MDN1: variants seen among roughly 807,000 people sequenced by gnomAD.
MDN1 encodes the protein midasin AAA ATPase 1.
A neutral mutation model predicts 669.2 loss-of-function variants in MDN1; 266 were observed. The observed-to-expected ratio is 0.40, with a 90% CI of 0.36 to 0.44. The LOEUF is 0.44. Among genes scored for constraint, MDN1 ranks in the 20% least tolerant of loss-of-function variants. The pLI, the probability that MDN1 is intolerant of heterozygous loss-of-function variation, is 1.00. For missense variants in MDN1, 5,940 were observed against 6,754.0 expected, an observed-to-expected ratio of 0.88 and a Z score of 4.22; for synonymous variants, 2,385 against 2,457.1, an observed-to-expected ratio of 0.97 and a Z score of 0.87.
intron 44 of MDN1, among the ~76,000 whole-genome samples, chr6:89,716,173 T>C (rs1814356987): frequency 6.6e-6 from 1 of 152,232 alleles, no homozygotes; most frequent in African/African-American, 2.4e-5. Context: ...TAACTTGTAG[T>C]AGCTTCTATG....
At position 89,698,924 on chromosome 6, in the gene MDN1, G is replaced by C. The variant is rs1812955398; in HGVS notation, c.9109C>G (p.Pro3037Ala). Residue 3037 changes from proline to alanine, a missense_variant, in exon 59 of 102, where the codon CCT becomes GCT. Physicochemically the swap from Pro to Ala is conservative, Grantham distance 27. Around this residue, in one of 5 missense-constraint regions of MDN1, gnomAD observed 2,292 missense variants for 2,638.3 expected, o/e 0.87. Coordinates refer to ENST00000369393, the MANE Select transcript of MDN1 (RefSeq NM_014611.3). ...TNPEYWLMWN[P>A]LPGMQQREAP... The stretch of plus-strand genomic sequence containing the variant: ...TCCCTCTGCTGCATACCAGGCAAAG[G>C]GTTCCACATTAGCCAGTACTCTGGA... The C allele has an allele frequency of 6.2e-7, 1 of 1,613,928 alleles. No individual in the cohort carries two copies. The highest frequency in any genetic ancestry group is 1.1e-5 in the South Asian group (1 of 91,086).
chr6:89,725,930 T>TACACATAC (rs983133902), intron 37 of MDN1, among the ~76,000 whole-genome samples: 16 of 147,478 alleles, frequency 1.1e-4, no homozygotes, highest in Non-Finnish European at 2.1e-4. Flanking sequence ...TGGTATTTTA[T>TACACATAC]ACACACACAC....
intron 9 of MDN1, among the ~76,000 whole-genome samples, chr6:89,784,388 T>C (rs1818845072): frequency 6.6e-6 from 1 of 152,098 alleles, no homozygotes; most frequent in Non-Finnish European, 1.5e-5. Context: ...TATACCTACA[T>C]CAATAAAGGG....
intron 50 of MDN1, among the ~76,000 whole-genome samples, chr6:89,709,009 G>A (rs1246284451): frequency 2.7e-5 from 4 of 148,840 alleles, no homozygotes; most frequent in African/African-American, 4.9e-5. Context: ...GTACATGGCA[G>A]AAAATGAATA....
At position 89,778,982 on chromosome 6, in the gene MDN1, A is replaced by T. The variant is rs544351614; in HGVS notation, c.1725+1230T>A. Among the ~76,000 whole-genome samples, 45 of 118,788 alleles carry T rather than the reference A, an allele frequency of 3.8e-4. 1 individual carries two copies. In the East Asian group the frequency reaches 9.1e-3, roughly 24 times the overall value. 77.9% of individuals were successfully genotyped at this position (118,788 alleles called of 152,430 possible). A position where few individuals can be genotyped will look rare whatever the true frequency, so the allele number is the denominator to read the frequency against. On this transcript the variant is annotated intron_variant, in intron 11 of 101. Transcript: ENST00000369393. ...CAGTATGTACTAAAATAAGCCAAAG[A>T]AAAAAAAAATTTTACAGGTGTAGAA...
intron 47 of MDN1, 57 bp downstream of exon 47, chr6:89,713,091 G>A (rs947453556): frequency 9.7e-6 from 15 of 1,552,616 alleles, no homozygotes; most frequent in African/African-American, 6.9e-5. Flanking sequence ...TAATTTCCTC[G>A]TACTCAAGAA....
At chr6:89,656,558 C>A in intron 91 of MDN1, 142 bp downstream of exon 91, 1 of 699,014 alleles carries the variant, frequency 1.4e-6, no homozygotes, top group African/African-American at 1.8e-5. Flanking sequence ...GTCTGCTCAC[C>A]AAGGCTGCTA....
chr6:89,658,878 G>A lies in MDN1; in HGVS notation c.14753C>T (p.Ala4918Val). The A allele has an allele frequency of 1.2e-6, 2 of 1,612,876 alleles. No homozygotes were observed. Among genetic ancestry groups the A allele is most frequent in the East Asian group, 2.2e-5 (1 of 44,864 alleles). The change falls in exon 89 of 102, where the codon GCA becomes GTA. Residue 4918 changes from alanine (A) to valine (V), a missense_variant. Ala to Val is a moderately conservative substitution (Grantham distance 64, BLOSUM62 0). Coordinates refer to ENST00000369393, the MANE Select transcript of MDN1 (RefSeq NM_014611.3). ...TCCTCTTTCCTCAGCTTCATGACCT[G>A]CTTCTTCTGGTTTTTCTTTTATCTC... ...PLEIKEKPEE[A>V]GHEAEERGET...
intron 82 of MDN1, 44 bp downstream of exon 82, chr6:89,672,156 G>A (rs1810837627): frequency 6.6e-7 from 1 of 1,522,938 alleles, no homozygotes; most frequent in Non-Finnish European, 8.7e-7. Flanking sequence ...CCTTTGCTCA[G>A]TGCATTCTGA....
intron 40 of MDN1, among the ~76,000 whole-genome samples, chr6:89,720,667 A>C (rs1814756656): frequency 6.6e-6 from 1 of 152,238 alleles, no homozygotes; most frequent in Non-Finnish European, 1.5e-5. Flanking sequence ...TTTGGTCATA[A>C]TTAATATACT....
intron 34 of MDN1, among the ~76,000 whole-genome samples, chr6:89,731,615 G>T (rs1046887652): frequency 2.6e-5 from 4 of 152,028 alleles, no homozygotes; most frequent in Non-Finnish European, 5.9e-5. Context: ...GTCAGGGGAT[G>T]GGGGGCAAGG....
At chr6:89,746,451 G>A (rs1282503665) in intron 27 of MDN1, among the ~76,000 whole-genome samples, 2 of 151,724 alleles carry the variant, frequency 1.3e-5, no homozygotes, top group Non-Finnish European at 2.9e-5. Context: ...GCATGGTGGC[G>A]CTTGCCTGTA....
chr6:89,786,375 GA>G (rs1351651988), intron 8 of MDN1, among the ~76,000 whole-genome samples: 3 of 152,060 alleles, frequency 2.0e-5, no homozygotes, highest in Non-Finnish European at 4.4e-5. Context: ...AGGACTGCTC[GA>G]GTCCAGGAGT....
intron 45 of MDN1, among the ~76,000 whole-genome samples, chr6:89,715,305 C>G (rs948934401): frequency 6.6e-6 from 1 of 152,138 alleles, no homozygotes; most frequent in African/African-American, 2.4e-5. Context: ...TTTTCTCAAC[C>G]CACATGTCCA....
At chr6:89,766,650 C>CATA in intron 15 of MDN1, among the ~76,000 whole-genome samples, 1 of 152,128 alleles carries the variant, frequency 6.6e-6, no homozygotes, top group Non-Finnish European at 1.5e-5. Flanking sequence ...ACTGGAACCA[C>CATA]ATGTAAGCAT....
intron 38 of MDN1, among the ~76,000 whole-genome samples, chr6:89,724,343 C>T (rs189529439): frequency 6.8e-4 from 103 of 152,018 alleles, no homozygotes; most frequent in Admixed American, 1.6e-3. Context: ...AGTACAATGG[C>T]GCGATCTCAG....
At position 89,655,943 on chromosome 6, in the gene MDN1, G is replaced by A; in HGVS notation, c.15311C>T (p.Ala5104Val). The part of the protein sequence containing the change: ...TQSFKRKPGQ[A>V]DNERSMGDHN... ...ATCACCCATGGAACGTTCATTGTCAGCCTGCCCAGGTTTCCTCTTAAAACT... is the reference window on the plus strand; with the variant it reads ...ATCACCCATGGAACGTTCATTGTCAACCTGCCCAGGTTTCCTCTTAAAACT... The change falls in exon 92 of 102, where the codon GCT becomes GTT. Residue 5104 changes from alanine to valine, a missense_variant. Transcript: ENST00000369393. 6.2e-7 allele frequency: 1 copy of A among 1,613,880 alleles called. No homozygotes were observed. Among genetic ancestry groups the A allele is most frequent in the Non-Finnish European group, 8.5e-7 (1 of 1,180,016 alleles).
chr6:89,807,980 A>AT (rs1042893139), intron 1 of MDN1, among the ~76,000 whole-genome samples: 3 of 151,668 alleles, frequency 2.0e-5, no homozygotes, highest in African/African-American at 4.8e-5. Context: ...TATAATTACT[A>AT]TTTTTTTATG....
At position 89,819,716 on chromosome 6, in the gene MDN1, G is replaced by T. The variant is rs892850998; in HGVS notation, c.-109C>A. 11 of 856,674 alleles carry T rather than the reference G, an allele frequency of 1.3e-5. No homozygotes were observed. The African/African-American group carries it at 1.5e-4, about 12-fold the overall frequency. The allele number at this position is 856,674 out of a possible 1,614,324, so 53.1% of individuals were successfully genotyped here. A position where few individuals can be genotyped will look rare whatever the true frequency, so the allele number is the denominator to read the frequency against. On this transcript the variant is annotated 5_prime_UTR_variant, in exon 1 of 102. Transcript: ENST00000369393. The stretch of plus-strand genomic sequence containing the variant: ...GAGCAGCCAGCAACTACGCCCGCAG[G>T]AAAGGCGTCCTCAGCTCCAGCGCCT...
Sources: gnomAD v4.1 joint callset for allele counts (sites outside exome capture counted in the v4.1 genomes callset) on GRCh38, gnomAD v4.1.1 for gene constraint, gnomAD v4.1.1 regional missense constraint, MANE v1.5 for transcripts, NCBI Gene and HGNC (gene_info 2026-07-23, HGNC 2026-07-21) for gene names.